The following BRF1 variants were observed in gnomAD, a reference collection of about 807,000 sequenced individuals.
BRF1 encodes the protein BRF1 general transcription factor IIIB subunit.
A neutral mutation model predicts 81.7 loss-of-function variants in BRF1; 59 were observed. The observed-to-expected ratio is 0.72, with a 90% CI of 0.59 to 0.90. The LOEUF (loss-of-function observed/expected upper bound fraction) is 0.90, where lower values mean the gene tolerates loss of function less well. BRF1 is among the 40% of genes least tolerant of loss of function. The probability of loss-of-function intolerance (pLI) is 0.00; values close to 1 mark genes in which losing one functional copy is unlikely to be tolerated. For synonymous variants in BRF1, 491 were observed against 395.6 expected (o/e 1.24, Z -2.86); for missense variants, 1,050 against 936.3 (o/e 1.12, Z -1.58).
At chr14:105,250,978 CCTCTTGGATT>C in intron 5 of BRF1, 1 of 361,962 alleles carries the variant, frequency 2.8e-6, no homozygotes, top group Non-Finnish European at 5.3e-6. Context: ...TTCCTGCTAC[CCTCTTGGATT>C]CTAAGTGGTT....
At chr14:105,253,324 C>T (rs1489247440) in intron 4 of BRF1, among the ~76,000 whole-genome samples, 1 of 152,170 alleles carries the variant, frequency 6.6e-6, no homozygotes, top group East Asian at 1.9e-4. Context: ...AGGTGCACAG[C>T]GGGAATAGCC....
chr14:105,291,342 A>C (rs1306437705), intron 1 of BRF1, among the ~76,000 whole-genome samples: 1 of 152,254 alleles, frequency 6.6e-6, no homozygotes, highest in Non-Finnish European at 1.5e-5. Context: ...GATTCTTCCA[A>C]CATGAGAAAG....
In BRF1 at chr14:105,252,592, G is replaced by A. The variant is rs947610095; in HGVS notation, c.472-13C>T. 7 of 1,609,236 alleles carry A rather than the reference G, an allele frequency of 4.3e-6. No individual in the cohort carries two copies. In the African/African-American group the frequency reaches 8.0e-5, roughly 18 times the overall value. On this transcript the variant is annotated splice_polypyrimidine_tract_variant and intron_variant, in intron 4 of 17. Coordinates refer to ENST00000547530, the MANE Select transcript of BRF1 (RefSeq NM_001519.4). ...CGTACACATTCACCTGAGATGGAGA[G>A]ATCACAACCAGAAACAGCATTGGTA...
rs780704000 is a variant in BRF1, at chr14:105,249,297, G to A, written c.544+3210C>T. 1.0e-5 allele frequency: 16 copies of A among 1,576,792 alleles called. No individual in the cohort carries two copies. In the East Asian group the frequency reaches 3.7e-4, roughly 36 times the overall value. On this transcript the variant is annotated intron_variant, in intron 5 of 17. Transcript: ENST00000547530. ...AACGCGTGCCCCGTCCGCCCCGTCC[G>A]CCGTGTGGCTGACACGCAGCCTGCG... is the stretch of plus-strand genomic sequence containing the variant.
At chr14:105,215,989 C>CAG (rs587665990) in intron 15 of BRF1, among the ~76,000 whole-genome samples, 4,424 of 145,052 alleles carry the variant, frequency 0.03, 635 homozygotes, top group African/African-American at 0.11. Flanking sequence ...CATACACAGG[C>CAG]GCACACACAC....
At chr14:105,252,461 C>T (rs750691034) in intron 5 of BRF1, 46 bp downstream of exon 5, 4 of 1,603,796 alleles carry the variant, frequency 2.5e-6, no homozygotes, top group Non-Finnish European at 3.4e-6. Flanking sequence ...ACGCTGGTCC[C>T]TACAGCAGCC....
At chr14:105,243,061 A>ATCTT (rs1259621812) in intron 5 of BRF1, among the ~76,000 whole-genome samples, 13 of 152,168 alleles carry the variant, frequency 8.5e-5, no homozygotes, top group Non-Finnish European at 1.6e-4. Context: ...GATTGCAGTG[A>ATCTT]GCCAAGATCA....
In BRF1 at chr14:105,221,820, T is replaced by C. The variant is rs1595282845; in HGVS notation, c.1143A>G (p.Leu381=). Residue 381 remains leucine (L), a synonymous_variant, in exon 11 of 18, where the codon TTA becomes TTG. Coordinates refer to ENST00000547530, the MANE Select transcript of BRF1 (RefSeq NM_001519.4). The stretch of plus-strand genomic sequence containing the variant: ...GGGCACCACCAAGGAGCTCCCGGTA[T>C]AAGTCTTTGTTCAGGTGGCTGGCCG... ...EAAASHLNKD[L]YRELLGGAPG... The C allele has an allele frequency of 6.2e-7, 1 of 1,611,140 alleles. No homozygotes were observed. Among genetic ancestry groups the C allele is most frequent in the African/African-American group, 1.3e-5 (1 of 74,886 alleles).
chr14:105,243,468 T>A (rs10137807), intron 5 of BRF1, among the ~76,000 whole-genome samples: 7,897 of 85,854 alleles, frequency 0.092, 470 homozygotes, highest in African/African-American at 0.23. Context: ...AAAAAAAAAA[T>A]AAAAATAAAA....
intron 5 of BRF1, among the ~76,000 whole-genome samples, chr14:105,244,549 C>T (rs889216791): frequency 6.6e-6 from 1 of 151,878 alleles, no homozygotes; most frequent in Non-Finnish European, 1.5e-5. Flanking sequence ...TGGGCAAACG[C>T]GGAGTGGCAG....
chr14:105,257,354 G>A lies in BRF1; in HGVS notation c.440-805C>T, dbSNP rs587774706. 3.3e-5 allele frequency among the ~76,000 whole-genome samples: 5 copies of A among 152,274 alleles called. No individual in the cohort carries two copies. In the East Asian group the frequency reaches 9.6e-4, roughly 29 times the overall value. ...CCAAAGGAAGATCCCCGGGACCAGA[G>A]CAGCAAAGCCCCACCACGCAAGAAC... On this transcript the variant is annotated intron_variant, in intron 3 of 17. Transcript: ENST00000547530.
intron 1 of BRF1, among the ~76,000 whole-genome samples, chr14:105,296,920 C>T (rs1169655132): frequency 6.6e-6 from 1 of 152,028 alleles, no homozygotes; most frequent in African/African-American, 2.4e-5. Flanking sequence ...CTTTGAGAGG[C>T]TGAAGTGGGG....
intron 1 of BRF1, among the ~76,000 whole-genome samples, chr14:105,311,532 GGT>G (rs1372498424): frequency 6.6e-6 from 1 of 152,214 alleles, no homozygotes; most frequent in Non-Finnish European, 1.5e-5. Flanking sequence ...TGGGATTACA[GGT>G]GTGAGCCCCT....
At chr14:105,310,053 G>C (rs950947349) in intron 1 of BRF1, among the ~76,000 whole-genome samples, 1 of 151,432 alleles carries the variant, frequency 6.6e-6, no homozygotes, top group African/African-American at 2.4e-5. Context: ...CAAAGTGCTG[G>C]GATTACAGGT....
Position 105,241,320 on chromosome 14 carries a change from C to A in BRF1, c.639G>T (p.Arg213Ser). Residue 213 changes from arginine to serine, a missense_variant, in exon 6 of 18, where the codon AGG (arginine) becomes AGT (serine). Around this residue, in one of 2 missense-constraint regions of BRF1, gnomAD observed 1,043 missense variants for 915.4 expected, o/e 1.14. Transcript: ENST00000547530. ...VSMTALRLLQ[R>S]MKRDWMHTGR... ...CTGTGTGCATCCAGTCCCGCTTCAT[C>A]CTCTGTAGGAGCCTCAGGGCAGTCA... is the stretch of plus-strand genomic sequence containing the variant. The A allele has an allele frequency of 6.2e-7, 1 of 1,612,756 alleles. No homozygotes were observed. The highest frequency in any genetic ancestry group is 1.1e-5 in the South Asian group (1 of 91,086).
rs1394505152 is a variant in BRF1 at position 105,269,703 on chromosome 14, T to TC, written c.439+3017dup. Among the ~76,000 whole-genome samples the TC allele has an allele frequency of 1.3e-5, 2 of 152,130 alleles. No individual in the cohort carries two copies. The highest frequency in any genetic ancestry group is 1.3e-4 in the Admixed American group (2 of 15,274). On this transcript the variant is annotated intron_variant, in intron 3 of 17. Transcript: ENST00000547530. The surrounding 1 kb of genome is among the most constrained non-coding windows in gnomAD (Gnocchi z 5.0). ...CCCCGGCAGTGCCACAGGACTGCTC[T>TC]CCGTCCTGCCTGTCATCACCCCATG...
At chr14:105,256,455 C>T (rs1457176379) in intron 4 of BRF1, 63 bp downstream of exon 4, 2 of 1,613,960 alleles carry the variant, frequency 1.2e-6, no homozygotes, top group Admixed American at 3.3e-5. Flanking sequence ...CGGTCACAAC[C>T]CTGGTCACAA....
In BRF1 at chr14:105,226,688, C is replaced by A. The variant is rs1349520617; in HGVS notation, c.861G>T (p.Glu287Asp). 6.2e-7 allele frequency: 1 copy of A among 1,613,652 alleles called. No individual in the cohort carries two copies. The change falls in exon 8 of 18, where the codon GAG (glutamate) becomes GAT (aspartate). Residue 287 changes from glutamate to aspartate, a missense_variant. Physicochemically the swap from Glu to Asp is conservative, Grantham distance 45. This residue lies in a region of BRF1 where 1,043 missense variants were observed against 915.4 expected (regional missense o/e 1.14). Transcript: ENST00000547530. The stretch of plus-strand genomic sequence containing the variant: ...CTGTGTACGAGGGGGGGTCGCACTC[C>A]TCCTCCAGGTCGATCTTCATGAACT... ...IDEFMKIDLE[E>D]ECDPPSYTAG...
rs764685561 is a variant in BRF1 at position 105,286,420 on chromosome 14, T to C, written c.185-44A>G. 1.3e-5 allele frequency: 20 copies of C among 1,568,612 alleles called. No homozygotes were observed. The Admixed American group carries it at 3.4e-4, about 27-fold the overall frequency. On this transcript the variant is annotated intron_variant, in intron 1 of 17. Transcript: ENST00000547530. Reference sequence around the variant, plus strand: ...ACAGATCAGCCAAAACTTGGAGATCTGCATTTACAACCCTTTCCTAACATC... The same window carrying C: ...ACAGATCAGCCAAAACTTGGAGATCCGCATTTACAACCCTTTCCTAACATC...
Sources: allele counts gnomAD v4.1 joint callset (sites outside exome capture counted in the v4.1 genomes callset), GRCh38; gene constraint gnomAD v4.1.1; regional missense constraint gnomAD v4.1.1; non-coding constraint Gnocchi (gnomAD v3.1); transcripts MANE v1.5; gene names NCBI Gene and HGNC (gene_info 2026-07-23, HGNC 2026-07-21).